The following IL15RA variants were observed in gnomAD, a reference collection of about 807,000 sequenced individuals.
IL15RA encodes interleukin-15 receptor subunit alpha.
IL15RA carries 26 observed loss-of-function variants against 24.2 expected under a neutral mutation model. That is an observed-to-expected ratio of 1.07 (90% CI 0.79 to 1.49). The LOEUF is 1.49. IL15RA is among the 40% of genes most tolerant of loss of function. The pLI is 0.00. For synonymous variants in IL15RA, 166 were observed against 157.6 expected (o/e 1.05, Z -0.40); for missense variants, 354 against 356.4 (o/e 0.99, Z 0.05).
upstream of IL15RA, chr10:5,977,821 T>C: frequency 2.4e-6 from 1 of 408,390 alleles, no homozygotes; most frequent in Non-Finnish European, 4.2e-6. Flanking sequence ...CTCGTCGTGC[T>C]CTGGGACCTC....
downstream of IL15RA, chr10:5,949,227 C>G (rs1250324889): frequency 2.1e-6 from 1 of 471,272 alleles, no homozygotes; most frequent in Admixed American, 2.3e-5. The surrounding 1 kb of genome is among the most constrained non-coding windows in gnomAD (Gnocchi z 4.4). Flanking sequence ...AGGTATGTCA[C>G]TTTTCTCTGT....
rs73618372 is a variant in IL15RA at position 5,970,124 on chromosome 10, T to A, written c.89-3785A>T. On this transcript the variant is annotated intron_variant, in intron 1 of 6. Transcript: ENST00000379977. This position sits in a 1 kb window ranked among gnomAD's most constrained non-coding sequence, Gnocchi z 4.1. ...AGATTCTCTGAGTATGTTTTATGAT[T>A]CCATTTTATCTCCTTTGTTGGTTAT... Among the ~76,000 whole-genome samples the A allele has an allele frequency of 8.7e-3, 1,322 of 152,328 alleles. 24 individuals carry two copies. The highest frequency in any genetic ancestry group is 0.03 in the African/African-American group (1,267 of 41,558).
rs1564508806 is a variant in IL15RA, at chr10:5,966,356, G to A, written c.89-17C>T. 1 of 1,595,810 alleles carries A rather than the reference G, an allele frequency of 6.3e-7. No individual in the cohort carries two copies. The highest frequency in any genetic ancestry group is 2.3e-5 in the East Asian group (1 of 44,356). On this transcript the variant is annotated splice_polypyrimidine_tract_variant and intron_variant, in intron 1 of 6. Transcript: ENST00000379977. This position sits in a 1 kb window ranked among gnomAD's most constrained non-coding sequence, Gnocchi z 6.4. ...ACGTGATGCCTGCGAAAGTGCAGAG[G>A]ACAGGGGACGGTGAAGAGGTTTCCA... is the stretch of plus-strand genomic sequence containing the variant.
At chr10:5,949,177 T>C, downstream of IL15RA, 1 of 470,500 alleles carries the variant, frequency 2.1e-6, no homozygotes, top group Non-Finnish European at 4.4e-6. The surrounding 1 kb of genome is among the most constrained non-coding windows in gnomAD (Gnocchi z 4.4). Flanking sequence ...TATAGACATC[T>C]CCCACGCCAG....
Position 5,966,257 on chromosome 10 carries a change from G to A in IL15RA, c.171C>T (p.Tyr57=), listed in dbSNP as rs1307344886. ...KSYSLYSRER[Y]ICNSGFKRKA... Reference sequence around the variant, plus strand: ...TACGCTTGAAACCAGAGTTACAAATGTACCGCTCCCTGGAGTACAAGCTGT... The same window carrying A: ...TACGCTTGAAACCAGAGTTACAAATATACCGCTCCCTGGAGTACAAGCTGT... The change falls in exon 2 of 7, where the codon TAC becomes TAT. Residue 57 remains tyrosine (Y), a synonymous_variant. Transcript: ENST00000379977. This position sits in a 1 kb window ranked among gnomAD's most constrained non-coding sequence, Gnocchi z 6.4. 6 of 1,614,028 alleles carry A rather than the reference G, an allele frequency of 3.7e-6. No individual in the cohort carries two copies. Among genetic ancestry groups the A allele is most frequent in the Non-Finnish European group, 5.1e-6 (6 of 1,179,982 alleles).
At position 5,963,030 on chromosome 10, in the gene IL15RA, G is replaced by A. The variant is rs529843567; in HGVS notation, c.382+713C>T. Among the ~76,000 whole-genome samples the A allele has an allele frequency of 1.3e-5, 2 of 152,342 alleles. No homozygotes were observed. Among genetic ancestry groups the A allele is most frequent in the Admixed American group, 1.3e-4 (2 of 15,300 alleles). On this transcript the variant is annotated intron_variant, in intron 3 of 6. Coordinates refer to ENST00000379977, the MANE Select transcript of IL15RA (RefSeq NM_002189.4). This position sits in a 1 kb window ranked among gnomAD's most constrained non-coding sequence, Gnocchi z 5.3. ...ATAGAGCAGTCACTGGGATGTGCTGGTGTTTAGGTCTGGTGGGGGCAGCTC... is the reference window on the plus strand; with the variant it reads ...ATAGAGCAGTCACTGGGATGTGCTGATGTTTAGGTCTGGTGGGGGCAGCTC...
In IL15RA at chr10:5,956,406, GA is replaced by G; in HGVS notation, c.664del (p.Ser222LeufsTer28). Reference sequence around the variant, plus strand: ...TGACTTGAGGTAGCATGCCAGGAGAGACACAGCGCTCAGCCCACACAGCAGG... The same window carrying G: ...TGACTTGAGGTAGCATGCCAGGAGAGCACAGCGCTCAGCCCACACAGCAGG... ...TVLLCGLSAV[S>X]LLACYLKSRQ... On this transcript the variant is annotated frameshift_variant, in exon 6 of 7. Coordinates refer to ENST00000379977, the MANE Select transcript of IL15RA (RefSeq NM_002189.4). LOFTEE classifies it low-confidence loss of function (END_TRUNC). The G allele has an allele frequency of 6.2e-7, 1 of 1,614,104 alleles. No individual in the cohort carries two copies. The highest frequency in any genetic ancestry group is 2.2e-5 in the East Asian group (1 of 44,884).
At position 5,964,571 on chromosome 10, in the gene IL15RA, G is replaced by C. The variant is rs925745917; in HGVS notation, c.284-730C>G. Among the ~76,000 whole-genome samples the C allele has an allele frequency of 1.3e-5, 2 of 152,120 alleles. No homozygotes were observed. Among genetic ancestry groups the C allele is most frequent in the African/African-American group, 4.8e-5 (2 of 41,394 alleles). ...GATCAGAACGTGGAAGGATCCTTTGGGCTAGGTGAAACCTAAAGAGGCCTC... is the reference window on the plus strand; with the variant it reads ...GATCAGAACGTGGAAGGATCCTTTGCGCTAGGTGAAACCTAAAGAGGCCTC... On this transcript the variant is annotated intron_variant, in intron 2 of 6. Coordinates refer to ENST00000379977, the MANE Select transcript of IL15RA (RefSeq NM_002189.4). This position sits in a 1 kb window ranked among gnomAD's most constrained non-coding sequence, Gnocchi z 5.6.
rs184062096 is a variant in IL15RA, at chr10:5,960,195, C to T, written c.583+172G>A. Among the ~76,000 whole-genome samples, 113 of 152,316 alleles carry T rather than the reference C, an allele frequency of 7.4e-4. No homozygotes were observed. The highest frequency in any genetic ancestry group is 5.6e-3 in the South Asian group (27 of 4,828). ...GCTGCCCCAGCCACAGAGAAAGCCA[C>T]GGAGAAAGAGGTCAGGCCAGGACGC... is the stretch of plus-strand genomic sequence containing the variant. On this transcript the variant is annotated intron_variant, in intron 4 of 6. Transcript: ENST00000379977. This position sits in a 1 kb window ranked among gnomAD's most constrained non-coding sequence, Gnocchi z 5.1.
At position 5,953,088 on chromosome 10, in the gene IL15RA, C is replaced by G. The variant is rs752134307; in HGVS notation, c.*7G>C. 3.1e-6 allele frequency: 5 copies of G among 1,605,598 alleles called. No homozygotes were observed. The highest frequency in any genetic ancestry group is 4.3e-6 in the Non-Finnish European group (5 of 1,172,116). On this transcript the variant is annotated 3_prime_UTR_variant, in exon 7 of 7. Transcript: ENST00000379977. This position sits in a 1 kb window ranked among gnomAD's most constrained non-coding sequence, Gnocchi z 5.3. ...TCCGGACTTAGCTGGGCTGGTTTCC[C>G]CGAGTTTCATAGGTGGTGAGAGCAG...
In IL15RA at chr10:5,973,090, G is replaced by A. The variant is rs776888962; in HGVS notation, c.88+4315C>T. ...GTCTTCTCAGTTGCTTCTGGCCATC[G>A]CCCGCAATCTTTCAGACTGAAATGC... On this transcript the variant is annotated intron_variant, in intron 1 of 6. Transcript: ENST00000379977. This position sits in a 1 kb window ranked among gnomAD's most constrained non-coding sequence, Gnocchi z 4.5. Among the ~76,000 whole-genome samples the A allele has an allele frequency of 6.6e-6, 1 of 152,162 alleles. No homozygotes were observed. The highest frequency in any genetic ancestry group is 6.6e-5 in the Admixed American group (1 of 15,264).
In IL15RA at chr10:5,966,436, C is replaced by G; in HGVS notation, c.89-97G>C. 2.0e-6 allele frequency: 2 copies of G among 1,014,194 alleles called. No homozygotes were observed. Among genetic ancestry groups the G allele is most frequent in the Non-Finnish European group, 2.9e-6 (2 of 680,124 alleles). The allele number at this position is 1,014,194 out of a possible 1,614,324, so 62.8% of individuals were successfully genotyped here. The stretch of plus-strand genomic sequence containing the variant: ...AGCGGTAGTCAGTGTCCAGCTTATC[C>G]TAGGGGTGCCTCAGGACAAGCCCCA... On this transcript the variant is annotated intron_variant, in intron 1 of 6. Coordinates refer to ENST00000379977, the MANE Select transcript of IL15RA (RefSeq NM_002189.4). The surrounding 1 kb of genome is among the most constrained non-coding windows in gnomAD (Gnocchi z 6.4).
chr10:5,953,677 G>T lies in IL15RA; in HGVS notation c.693-471C>A. On this transcript the variant is annotated intron_variant, in intron 6 of 6. Transcript: ENST00000379977. This position sits in a 1 kb window ranked among gnomAD's most constrained non-coding sequence, Gnocchi z 5.3. ...AAATGGCAGGAACAAGAGAAGGAGA[G>T]AGTGACTGGGAGCCTAGCCAAACCA... The T allele has an allele frequency of 3.0e-6, 1 of 330,038 alleles. No individual in the cohort carries two copies. Among genetic ancestry groups the T allele is most frequent in the Admixed American group, 4.4e-5 (1 of 22,804 alleles). 20.4% of individuals were successfully genotyped at this position (330,038 alleles called of 1,614,324 possible).
At chr10:5,977,991 G>A (rs894000074), upstream of IL15RA, 1 of 176,536 alleles carries the variant, frequency 5.7e-6, no homozygotes, top group South Asian at 2.0e-4. Context: ...GTCTCCCTCC[G>A]CGGCCCTGCG....
intron 6 of IL15RA, among the ~76,000 whole-genome samples, chr10:5,954,642 A>G (rs1834278626): frequency 6.6e-6 from 1 of 152,172 alleles, no homozygotes; most frequent in Non-Finnish European, 1.5e-5. Context: ...CCTCTTATGA[A>G]CATATTTATT....
chr10:5,968,019 A>G lies in IL15RA; in HGVS notation c.89-1680T>C, dbSNP rs1392091705. On this transcript the variant is annotated intron_variant, in intron 1 of 6. Transcript: ENST00000379977. This position sits in a 1 kb window ranked among gnomAD's most constrained non-coding sequence, Gnocchi z 5.4. ...GGTTGCAGTGAGCCAAGATTGTGCC[A>G]CTGCACTCGAGCCTGGGTGACAGAG... 1.3e-5 allele frequency among the ~76,000 whole-genome samples: 2 copies of G among 152,192 alleles called. No homozygotes were observed. Among genetic ancestry groups the G allele is most frequent in the Non-Finnish European group, 2.9e-5 (2 of 68,038 alleles).
Position 5,963,636 on chromosome 10 carries a change from G to A in IL15RA, c.382+107C>T, listed in dbSNP as rs1835970153. On this transcript the variant is annotated intron_variant, in intron 3 of 6. Coordinates refer to ENST00000379977, the MANE Select transcript of IL15RA (RefSeq NM_002189.4). The surrounding 1 kb of genome is among the most constrained non-coding windows in gnomAD (Gnocchi z 5.3). ...ATAAGACGTTTGCGCTATTGCCTAA[G>A]TCTGCAGTGGCACACCACAGAGGTC... The A allele has an allele frequency of 1.7e-6, 1 of 578,934 alleles. No homozygotes were observed. Among genetic ancestry groups the A allele is most frequent in the Non-Finnish European group, 2.9e-6 (1 of 340,976 alleles). 35.9% of individuals were successfully genotyped at this position (578,934 alleles called of 1,614,324 possible).
In IL15RA at chr10:5,970,115, T is replaced by A. The variant is rs1336854955; in HGVS notation, c.89-3776A>T. ...TCACATCATAGATTCTCTGAGTATG[T>A]TTTATGATTCCATTTTATCTCCTTT... On this transcript the variant is annotated intron_variant, in intron 1 of 6. Transcript: ENST00000379977. The surrounding 1 kb of genome is among the most constrained non-coding windows in gnomAD (Gnocchi z 4.1). Among the ~76,000 whole-genome samples the A allele has an allele frequency of 6.6e-6, 1 of 152,218 alleles. No homozygotes were observed. Among genetic ancestry groups the A allele is most frequent in the African/African-American group, 2.4e-5 (1 of 41,456 alleles).
Position 5,975,657 on chromosome 10 carries a change from C to A in IL15RA, c.88+1748G>T, listed in dbSNP as rs1000373609. ...ATCCCAGCACTTTGGAAGGCCGAGG[C>A]GGGCAGATCACAAGGTCAGGAGTGA... On this transcript the variant is annotated intron_variant, in intron 1 of 6. Coordinates refer to ENST00000379977, the MANE Select transcript of IL15RA (RefSeq NM_002189.4). This position sits in a 1 kb window ranked among gnomAD's most constrained non-coding sequence, Gnocchi z 4.8. Among the ~76,000 whole-genome samples the A allele has an allele frequency of 6.6e-6, 1 of 152,030 alleles. No individual in the cohort carries two copies. Among genetic ancestry groups the A allele is most frequent in the African/African-American group, 2.4e-5 (1 of 41,392 alleles).
Sources: allele counts gnomAD v4.1 joint callset (sites outside exome capture counted in the v4.1 genomes callset), GRCh38; gene constraint gnomAD v4.1.1; non-coding constraint Gnocchi (gnomAD v3.1); transcripts MANE v1.5; gene names NCBI Gene and HGNC (gene_info 2026-07-23, HGNC 2026-07-21).